Variants in PHACTR2 observed in about 807,000 individuals in gnomAD.
The protein encoded by PHACTR2 is chromosome 6 open reading frame 56.
PHACTR2 carries 30 observed loss-of-function variants against 76.0 expected under a neutral mutation model. The ratio of observed to expected loss-of-function variants is 0.39; its 90% CI spans 0.30 to 0.54. The LOEUF is 0.54. PHACTR2 is among the 20% of genes least tolerant of loss of function. PHACTR2 has a pLI of 0.61. For synonymous variants in PHACTR2, 292 were observed against 292.5 expected, an observed-to-expected ratio of 1.00 and a Z score of 0.02; for missense variants, 696 against 781.1, an observed-to-expected ratio of 0.89 and a Z score of 1.30.
Position 143,765,597 on chromosome 6 carries a change from C to G in PHACTR2, c.1031C>G (p.Pro344Arg), listed in dbSNP as rs775802442. 2 of 1,614,120 alleles carry G rather than the reference C, an allele frequency of 1.2e-6. No individual in the cohort carries two copies. Among genetic ancestry groups the G allele is most frequent in the Non-Finnish European group, 1.7e-6 (2 of 1,179,986 alleles). Reference protein sequence around the residue: ...MVPPPPVAPAPSPLAPPLPLE... With the variant: ...MVPPPPVAPARSPLAPPLPLE... ...CCTCCACCCCCTGTGGCTCCAGCAC[C>G]TTCTCCTCTGGCCCCCCCTCTCCCT... The change falls in exon 6 of 13, where the codon CCT becomes CGT. Residue 344 changes from proline to arginine, a missense_variant. Around this residue, in one of 2 missense-constraint regions of PHACTR2, gnomAD observed 460 missense variants for 450.9 expected, o/e 1.02. Transcript: ENST00000440869. This position sits in a 1 kb window ranked among gnomAD's most constrained non-coding sequence, Gnocchi z 4.1.
At chr6:143,728,248 T>TA (rs1375501265) in intron 2 of PHACTR2, among the ~76,000 whole-genome samples, 1 of 143,712 alleles carries the variant, frequency 7.0e-6, no homozygotes, top group East Asian at 2.0e-4. Flanking sequence ...GACAGGGTCT[T>TA]ACTCTGTCAC....
At position 143,678,219 on chromosome 6, in the gene PHACTR2, G is replaced by A. The variant is rs1332832005; in HGVS notation, c.46+10G>A. On this transcript the variant is annotated intron_variant, in intron 1 of 12. Coordinates refer to ENST00000440869, the MANE Select transcript of PHACTR2 (RefSeq NM_001100164.2). This position sits in a 1 kb window ranked among gnomAD's most constrained non-coding sequence, Gnocchi z 6.2. Reference sequence around the variant, plus strand: ...CCGCAGCCCGGCAGCGGTGAGTCCGGGGCGCACGCGATGCGCTCCCGCCGC... The same window carrying A: ...CCGCAGCCCGGCAGCGGTGAGTCCGAGGCGCACGCGATGCGCTCCCGCCGC... The A allele has an allele frequency of 2.7e-6, 4 of 1,497,858 alleles. No homozygotes were observed. Among genetic ancestry groups the A allele is most frequent in the Non-Finnish European group, 3.6e-6 (4 of 1,124,298 alleles). 92.8% of individuals were successfully genotyped at this position (1,497,858 alleles called of 1,614,324 possible).
Position 143,589,820 on chromosome 6 carries a change from C to T in PHACTR2, c.217+52613C>T, listed in dbSNP as rs1775669682. Among the ~76,000 whole-genome samples, 1 of 152,196 alleles carries T rather than the reference C, an allele frequency of 6.6e-6. No homozygotes were observed. The highest frequency in any genetic ancestry group is 2.4e-5 in the African/African-American group (1 of 41,454). Reference sequence around the variant, plus strand: ...GTCCATTGCACTAATCTTATGCAAACTATTTCATATTATAGAAGATGACGA... The same window carrying T: ...GTCCATTGCACTAATCTTATGCAAATTATTTCATATTATAGAAGATGACGA... On this transcript the variant is annotated intron_variant, in intron 1 of 11. Transcript: ENST00000367584. This position sits in a 1 kb window ranked among gnomAD's most constrained non-coding sequence, Gnocchi z 4.4.
chr6:143,554,009 C>T lies in PHACTR2; in HGVS notation c.217+16802C>T, dbSNP rs373077867. 1.3e-5 allele frequency among the ~76,000 whole-genome samples: 2 copies of T among 152,142 alleles called. No individual in the cohort carries two copies. Among genetic ancestry groups the T allele is most frequent in the South Asian group, 2.1e-4 (1 of 4,818 alleles). On this transcript the variant is annotated intron_variant, in intron 1 of 11. Transcript: ENST00000367584. The surrounding 1 kb of genome is among the most constrained non-coding windows in gnomAD (Gnocchi z 5.9). The stretch of plus-strand genomic sequence containing the variant: ...CCCGGGTTGGGCCCCTGTAGACCAC[C>T]GCAATGACGTTGACATTTTCTCTGA...
intron 1 of PHACTR2, among the ~76,000 whole-genome samples, chr6:143,681,946 G>T (rs1276910462): frequency 6.6e-6 from 1 of 152,194 alleles, no homozygotes; most frequent in Non-Finnish European, 1.5e-5. Flanking sequence ...TCTTATGCCA[G>T]TTACCACAAT....
intron 1 of PHACTR2, among the ~76,000 whole-genome samples, chr6:143,560,367 TTTAAA>T (rs1775250880): frequency 6.6e-6 from 1 of 152,350 alleles, no homozygotes; most frequent in East Asian, 1.9e-4. Flanking sequence ...ATTCTGTATC[TTTAAA>T]TTAGTCTAAT....
At position 143,656,896 on chromosome 6, in the gene PHACTR2, T is replaced by G. The variant is rs1776857050; in HGVS notation, c.13+48574T>G. 6.6e-6 allele frequency among the ~76,000 whole-genome samples: 1 copy of G among 152,092 alleles called. No individual in the cohort carries two copies. The highest frequency in any genetic ancestry group is 1.5e-5 in the Non-Finnish European group (1 of 68,018). On this transcript the variant is annotated intron_variant, in intron 1 of 11. Coordinates refer to the PHACTR2 transcript ENST00000305766. This position sits in a 1 kb window ranked among gnomAD's most constrained non-coding sequence, Gnocchi z 5.3. ...ATAGGCTTGATTGGCCACACGAAAA[T>G]TTAAATATTATGAATGTTGAATGGC...
rs936065086 is a variant in PHACTR2 at position 143,633,341 on chromosome 6, A to C, written c.13+25019A>C. Among the ~76,000 whole-genome samples the C allele has an allele frequency of 6.6e-6, 1 of 152,182 alleles. No homozygotes were observed. Among genetic ancestry groups the C allele is most frequent in the Non-Finnish European group, 1.5e-5 (1 of 68,024 alleles). ...GTGGCATCTTGTTGCTTCAATTTGC[A>C]ATTCCCTATCGGCATATGATGCTGA... On this transcript the variant is annotated intron_variant, in intron 1 of 11. Transcript: ENST00000305766. The surrounding 1 kb of genome is among the most constrained non-coding windows in gnomAD (Gnocchi z 4.1).
chr6:143,683,132 G>A lies in PHACTR2; in HGVS notation c.46+4923G>A, dbSNP rs1777435208. On this transcript the variant is annotated intron_variant, in intron 1 of 12. Coordinates refer to ENST00000440869, the MANE Select transcript of PHACTR2 (RefSeq NM_001100164.2). The surrounding 1 kb of genome is among the most constrained non-coding windows in gnomAD (Gnocchi z 4.1). ...TTGGATCCATTATTTCTAAGTACAG[G>A]CTAAAACGATATGCCCTCAAATAGG... Among the ~76,000 whole-genome samples, 1 of 152,152 alleles carries A rather than the reference G, an allele frequency of 6.6e-6. No homozygotes were observed. Among genetic ancestry groups the A allele is most frequent in the Admixed American group, 6.5e-5 (1 of 15,276 alleles).
In PHACTR2 at chr6:143,739,893, T is replaced by C. The variant is rs1242563182; in HGVS notation, c.215-9092T>C. On this transcript the variant is annotated intron_variant, in intron 2 of 12. Transcript: ENST00000440869. The surrounding 1 kb of genome is among the most constrained non-coding windows in gnomAD (Gnocchi z 4.3). ...CTGTGACCTCCTACTACCTGAAATTTGTAAACTATTATATACTTTTGTTAC... is the reference window on the plus strand; with the variant it reads ...CTGTGACCTCCTACTACCTGAAATTCGTAAACTATTATATACTTTTGTTAC... Among the ~76,000 whole-genome samples the C allele has an allele frequency of 6.6e-6, 1 of 152,210 alleles. No individual in the cohort carries two copies. The highest frequency in any genetic ancestry group is 1.5e-5 in the Non-Finnish European group (1 of 68,042).
Position 143,653,842 on chromosome 6 carries a change from C to T in PHACTR2, c.13+45520C>T, listed in dbSNP as rs1053186855. On this transcript the variant is annotated intron_variant, in intron 1 of 11. Coordinates refer to the PHACTR2 transcript ENST00000305766. This position sits in a 1 kb window ranked among gnomAD's most constrained non-coding sequence, Gnocchi z 4.9. ...TCTTTAAAATATGACACTAAAAGCA[C>T]GAAAAACAAAAGAAACAATAATAAT... Among the ~76,000 whole-genome samples the T allele has an allele frequency of 1.3e-5, 2 of 151,838 alleles. No homozygotes were observed. The highest frequency in any genetic ancestry group is 2.9e-5 in the Non-Finnish European group (2 of 67,978).
chr6:143,555,499 G>A (rs1307711931), intron 1 of PHACTR2, among the ~76,000 whole-genome samples: 3 of 152,030 alleles, frequency 2.0e-5, no homozygotes, highest in African/African-American at 7.2e-5. Flanking sequence ...ATAACCATCT[G>A]TTGAAAAGTT....
intron 12 of PHACTR2, chr6:143,810,453 A>T (rs1776151729): frequency 3.0e-6 from 1 of 337,926 alleles, no homozygotes; most frequent in Non-Finnish European, 6.1e-6. Context: ...CTCACTACTC[A>T]TGTGGTCGAG....
upstream of PHACTR2, among the ~76,000 whole-genome samples, chr6:143,605,555 GA>G (rs2128436471): frequency 6.6e-6 from 1 of 152,284 alleles, no homozygotes; most frequent in South Asian, 2.1e-4. The surrounding 1 kb of genome is among the most constrained non-coding windows in gnomAD (Gnocchi z 5.0). Flanking sequence ...AGGGACAGAG[GA>G]GGGGCAGTGG....
chr6:143,691,966 C>A (rs1385980835), intron 1 of PHACTR2, among the ~76,000 whole-genome samples: 1 of 152,194 alleles, frequency 6.6e-6, no homozygotes, highest in African/African-American at 2.4e-5. Flanking sequence ...GTTTGTACTT[C>A]AGGCATCCTT....
chr6:143,576,355 C>T (rs982119705), intron 1 of PHACTR2, among the ~76,000 whole-genome samples: 10 of 152,104 alleles, frequency 6.6e-5, no homozygotes, highest in Non-Finnish European at 1.2e-4. Flanking sequence ...ATTTTCTGTT[C>T]CTGAAAAAGC....
intron 1 of PHACTR2, among the ~76,000 whole-genome samples, chr6:143,701,626 T>C (rs2128458514): frequency 6.6e-6 from 1 of 152,330 alleles, no homozygotes; most frequent in South Asian, 2.1e-4. Context: ...CAGGGAATAC[T>C]TGGGAGGTAA....
chr6:143,665,243 A>G (rs1485512650), intron 1 of PHACTR2, among the ~76,000 whole-genome samples: 1 of 152,232 alleles, frequency 6.6e-6, no homozygotes, highest in Admixed American at 6.5e-5. Flanking sequence ...AACACTAAGA[A>G]AAAATAGTTT....
intron 1 of PHACTR2, among the ~76,000 whole-genome samples, chr6:143,692,221 G>A (rs545419443): frequency 6.6e-6 from 1 of 152,280 alleles, no homozygotes; most frequent in South Asian, 2.1e-4. Context: ...AGTCTAAAGG[G>A]ATGATTCAGG....
Sources: allele counts gnomAD v4.1 joint callset (sites outside exome capture counted in the v4.1 genomes callset), GRCh38; gene constraint gnomAD v4.1.1; regional missense constraint gnomAD v4.1.1; non-coding constraint Gnocchi (gnomAD v3.1); transcripts MANE v1.5; gene names NCBI Gene and HGNC (gene_info 2026-07-23, HGNC 2026-07-21).